The following PPP2R2C variants were observed in gnomAD, a reference collection of about 807,000 sequenced individuals.
PPP2R2C encodes protein phosphatase 2, regulatory subunit B, gamma.
Under a neutral mutation model 45.3 loss-of-function variants are expected in PPP2R2C, and 10 were observed. The ratio of observed to expected loss-of-function variants is 0.22; its 90% CI spans 0.14 to 0.37. The LOEUF (loss-of-function observed/expected upper bound fraction) is 0.37. PPP2R2C is among the 10% of genes least tolerant of loss of function. PPP2R2C has a pLI of 1.00. For synonymous variants in PPP2R2C, 257 were observed against 245.4 expected, an observed-to-expected ratio of 1.05 and a Z score of -0.44; for missense variants, 308 against 619.7, an observed-to-expected ratio of 0.50 and a Z score of 5.34.
intron 1 of PPP2R2C, among the ~76,000 whole-genome samples, chr4:6,553,592 G>A (rs938810153): frequency 3.9e-5 from 6 of 152,280 alleles, no homozygotes; most frequent in Admixed American, 3.9e-4. Context: ...GGGAAAAAGG[G>A]CCAATCAGCA....
chr4:6,512,653 ATGGTGGTGGTGGTGGTGG>A (rs79384701), intron 2 of PPP2R2C, among the ~76,000 whole-genome samples: 1 of 123,744 alleles, frequency 8.1e-6, no homozygotes, highest in Non-Finnish European at 1.7e-5. Flanking sequence ...GATGGTGCTG[ATGGTGGTGGTGGTGGTGG>A]TGGTGGTGAT....
intron 1 of PPP2R2C, among the ~76,000 whole-genome samples, chr4:6,548,712 C>T (rs894649866): frequency 1.8e-4 from 28 of 152,274 alleles, no homozygotes; most frequent in African/African-American, 6.7e-4. Flanking sequence ...AATGGGCAGG[C>T]CCTAGAAATC....
At chr4:6,349,337 G>C in intron 5 of PPP2R2C, 2 of 979,194 alleles carry the variant, frequency 2.0e-6, no homozygotes, top group Non-Finnish European at 2.4e-6. Context: ...TGAGTTCCCA[G>C]CTATCCATGC....
At chr4:6,372,471 C>T (rs369160875) in intron 5 of PPP2R2C, 52 bp downstream of exon 5, 61 of 1,571,068 alleles carry the variant, frequency 3.9e-5, no homozygotes, top group East Asian at 4.6e-5. Context: ...CACCACCCAA[C>T]GGAAGCTACT....
At position 6,332,402 on chromosome 4, in the gene PPP2R2C, A is replaced by G. The variant is rs769133944; in HGVS notation, c.960+1160T>C. On this transcript the variant is annotated intron_variant, in intron 7 of 8. Transcript: ENST00000382599. The surrounding 1 kb of genome is among the most constrained non-coding windows in gnomAD (Gnocchi z 4.9). ...GGAGCTGGGGCAGTCGCAAGAACTC[A>G]AGTAAACACACGTGGCTGACAAACA... is the stretch of plus-strand genomic sequence containing the variant. Among the ~76,000 whole-genome samples, 1 of 152,156 alleles carries G rather than the reference A, an allele frequency of 6.6e-6. No homozygotes were observed. The highest frequency in any genetic ancestry group is 1.5e-5 in the Non-Finnish European group (1 of 68,024).
At chr4:6,416,967 C>T (rs1718631565) in intron 1 of PPP2R2C, among the ~76,000 whole-genome samples, 1 of 152,146 alleles carries the variant, frequency 6.6e-6, no homozygotes, top group Non-Finnish European at 1.5e-5. Context: ...TGGGGGAGAA[C>T]AGCCAGGGGC....
intron 1 of PPP2R2C, among the ~76,000 whole-genome samples, chr4:6,414,831 G>C (rs1271530599): frequency 3.3e-5 from 5 of 152,094 alleles, no homozygotes; most frequent in Non-Finnish European, 7.4e-5. Context: ...CTGAGCTTCA[G>C]GGGCCTCATC....
chr4:6,382,406 G>T (rs1715868475), intron 1 of PPP2R2C: 1 of 1,351,374 alleles, frequency 7.4e-7, no homozygotes, highest in Admixed American at 1.9e-5. Context: ...ACTCCACAGG[G>T]TTCCCTGTCC....
At chr4:6,337,906 C>T (rs1018293562) in intron 6 of PPP2R2C, among the ~76,000 whole-genome samples, 1 of 152,154 alleles carries the variant, frequency 6.6e-6, no homozygotes, top group South Asian at 2.1e-4. Flanking sequence ...AAAACCATTC[C>T]TAAAAGTTCC....
chr4:6,537,842 G>A (rs953881599), intron 1 of PPP2R2C, among the ~76,000 whole-genome samples: 23 of 152,046 alleles, frequency 1.5e-4, no homozygotes, highest in Non-Finnish European at 3.2e-4. Context: ...GAGCCACCAC[G>A]CCCGGCCAAA....
At chr4:6,451,027 T>G (rs1182422919) in intron 1 of PPP2R2C, among the ~76,000 whole-genome samples, 1 of 152,186 alleles carries the variant, frequency 6.6e-6, no homozygotes, top group African/African-American at 2.4e-5. Flanking sequence ...ATGTGTTGAA[T>G]AAATTCACTT....
chr4:6,511,824 G>GAT (rs1344186309), intron 2 of PPP2R2C, among the ~76,000 whole-genome samples: 2 of 81,010 alleles, frequency 2.5e-5, no homozygotes, highest in Non-Finnish European at 2.6e-5. Flanking sequence ...TGGTGATGGT[G>GAT]GTGGTGGTGG....
chr4:6,543,788 C>A (rs1203337790), intron 1 of PPP2R2C, among the ~76,000 whole-genome samples: 1 of 152,232 alleles, frequency 6.6e-6, no homozygotes, highest in Non-Finnish European at 1.5e-5. Context: ...CCTGGACATC[C>A]AGTTGCCACC....
At chr4:6,399,817 CGACA>C (rs1234775648) in intron 1 of PPP2R2C, among the ~76,000 whole-genome samples, 5 of 152,154 alleles carry the variant, frequency 3.3e-5, no homozygotes, top group African/African-American at 4.8e-5. Context: ...AGTGGGCAGC[CGACA>C]GACAGTCAAA....
chr4:6,502,726 A>T (rs929601742), intron 2 of PPP2R2C, among the ~76,000 whole-genome samples: 21 of 152,056 alleles, frequency 1.4e-4, no homozygotes, highest in African/African-American at 4.6e-4. Context: ...GGGACTTTGC[A>T]CACTTCCTGA....
intron 2 of PPP2R2C, among the ~76,000 whole-genome samples, chr4:6,512,167 G>A (rs1283413710): frequency 1.3e-5 from 1 of 78,874 alleles, no homozygotes; most frequent in Non-Finnish European, 2.5e-5. Flanking sequence ...GGTGATGGTG[G>A]TGATGGTGCT....
In PPP2R2C at chr4:6,322,080, C is replaced by T. The variant is rs1178464924; in HGVS notation, c.*1222G>A. 2.0e-5 allele frequency: 3 copies of T among 152,170 alleles called. No homozygotes were observed. Among genetic ancestry groups the T allele is most frequent in the Non-Finnish European group, 2.9e-5 (2 of 68,052 alleles). The allele number at this position is 152,170 out of a possible 1,614,324, so 9.4% of individuals were successfully genotyped here. A position where few individuals can be genotyped will look rare whatever the true frequency, so the allele number is the denominator to read the frequency against. Reference sequence around the variant, plus strand: ...GTCTTCTCTGTCTTCCATCCTGCGTCTCAGTTCTCCTGGACCCTTGTCGTC... The same window carrying T: ...GTCTTCTCTGTCTTCCATCCTGCGTTTCAGTTCTCCTGGACCCTTGTCGTC... On this transcript the variant is annotated 3_prime_UTR_variant, in exon 9 of 9. Coordinates refer to ENST00000382599, the MANE Select transcript of PPP2R2C (RefSeq NM_020416.4). The surrounding 1 kb of genome is among the most constrained non-coding windows in gnomAD (Gnocchi z 7.8).
intron 2 of PPP2R2C, among the ~76,000 whole-genome samples, chr4:6,511,552 GTGGTGGTGGTGGTGGTGGTGA>G (rs1723498166): frequency 3.7e-5 from 2 of 53,684 alleles, no homozygotes; most frequent in African/African-American, 1.4e-4. Flanking sequence ...GGTGATGGTG[GTGGTGGTGGTGGTGGTGGTGA>G]TGGCGGTGGT....
At chr4:6,376,019 G>A (rs575256232) in intron 3 of PPP2R2C, 88 bp from the exon 4 acceptor site, 1 of 1,119,916 alleles carries the variant, frequency 8.9e-7, no homozygotes, top group African/African-American at 1.6e-5. Context: ...AAATCATGAG[G>A]CACCTCCTGG....
Sources: allele counts gnomAD v4.1 joint callset (sites outside exome capture counted in the v4.1 genomes callset), GRCh38; gene constraint gnomAD v4.1.1; non-coding constraint Gnocchi (gnomAD v3.1); transcripts MANE v1.5; gene names NCBI Gene and HGNC (gene_info 2026-07-23, HGNC 2026-07-21).